Variants in CYP3A43 observed in about 807,000 individuals in gnomAD.
CYP3A43 encodes cytochrome P450 family 3 subfamily A member 43.
Under a neutral mutation model 58.0 loss-of-function variants are expected in CYP3A43, and 45 were observed. The observed-to-expected ratio is 0.78, with a 90% CI of 0.61 to 0.99. The LOEUF (loss-of-function observed/expected upper bound fraction) is 0.99, where lower values mean the gene tolerates loss of function less well. Ranked by LOEUF, CYP3A43 falls within the 50% of genes least tolerant of loss-of-function variation. The pLI is 0.00. For missense variants in CYP3A43, 593 were observed against 591.9 expected (o/e 1.00, Z -0.02); for synonymous variants, 191 against 201.4 (o/e 0.95, Z 0.44).
intron 12 of CYP3A43, among the ~76,000 whole-genome samples, chr7:99,864,505 ATTC>A (rs1345791149): frequency 6.7e-6 from 1 of 148,704 alleles, no homozygotes; most frequent in Non-Finnish European, 1.5e-5. Context: ...AGGGCCAGTT[ATTC>A]TTCTGCTTTG....
At chr7:99,842,828 T>C (rs552128109) in intron 3 of CYP3A43, among the ~76,000 whole-genome samples, 1 of 152,348 alleles carries the variant, frequency 6.6e-6, no homozygotes, top group Admixed American at 6.5e-5. Context: ...CCTCGTAAGT[T>C]TCTCACAAGG....
chr7:99,853,619 C>T (rs1454273083), intron 7 of CYP3A43, among the ~76,000 whole-genome samples: 1 of 152,072 alleles, frequency 6.6e-6, no homozygotes, highest in Non-Finnish European at 1.5e-5. Context: ...TGCAATGGCA[C>T]GATGTTGGCT....
intron 1 of CYP3A43, among the ~76,000 whole-genome samples, chr7:99,835,745 G>A (rs1584199369): frequency 6.6e-6 from 1 of 152,136 alleles, no homozygotes; most frequent in East Asian, 1.9e-4. Flanking sequence ...TACACAGTGT[G>A]GGCATCCTTC....
intron 3 of CYP3A43, among the ~76,000 whole-genome samples, chr7:99,842,249 G>A (rs1371061240): frequency 1.3e-5 from 2 of 151,914 alleles, no homozygotes; most frequent in Non-Finnish European, 2.9e-5. Context: ...CTCCATCTTT[G>A]CCAATCTATG....
At chr7:99,847,963 A>T in intron 5 of CYP3A43, 1 of 596,742 alleles carries the variant, frequency 1.7e-6, no homozygotes, top group East Asian at 2.9e-5. Flanking sequence ...ATGAGCCAAG[A>T]TTGCGCCGTT....
At chr7:99,831,192 T>C (rs1223652814) in intron 1 of CYP3A43, among the ~76,000 whole-genome samples, 5 of 152,238 alleles carry the variant, frequency 3.3e-5, no homozygotes, top group African/African-American at 4.8e-5. Context: ...TGTGGGGTCC[T>C]TCAAACACAT....
intron 11 of CYP3A43, among the ~76,000 whole-genome samples, chr7:99,862,041 G>A (rs1398977602): frequency 6.7e-6 from 1 of 150,132 alleles, no homozygotes; most frequent in African/African-American, 2.5e-5. Flanking sequence ...TGTAATGCCT[G>A]TCTTGTAGGC....
intron 10 of CYP3A43, among the ~76,000 whole-genome samples, chr7:99,861,022 C>T (rs1352738037): frequency 1.3e-5 from 2 of 151,950 alleles, no homozygotes; most frequent in Admixed American, 6.6e-5. Context: ...TACAGGCGTG[C>T]GCTACTATGC....
intron 1 of CYP3A43, among the ~76,000 whole-genome samples, chr7:99,835,303 G>C (rs1817025688): frequency 6.6e-6 from 1 of 152,210 alleles, no homozygotes; most frequent in Non-Finnish European, 1.5e-5. Context: ...TTGTGTCAGT[G>C]TAGACCACTT....
intron 2 of CYP3A43, among the ~76,000 whole-genome samples, chr7:99,836,881 G>T (rs1563060144): frequency 6.6e-6 from 1 of 152,156 alleles, no homozygotes; most frequent in Non-Finnish European, 1.5e-5. Context: ...TTAGTATTAA[G>T]AGAAAAGCAG....
chr7:99,836,344 C>T, intron 1 of CYP3A43, 109 bp from the exon 2 acceptor site: 1 of 781,212 alleles, frequency 1.3e-6, no homozygotes. Context: ...TTATTGCCTC[C>T]ATGTTACCTC....
chr7:99,849,452 T>C, intron 6 of CYP3A43, 94 bp from the exon 7 acceptor site: 1 of 1,422,666 alleles, frequency 7.0e-7, no homozygotes, highest in South Asian at 1.6e-5. Context: ...GGTTTTCACC[T>C]GTCTTGCTCT....
intron 1 of CYP3A43, among the ~76,000 whole-genome samples, chr7:99,835,478 T>C (rs1003466358): frequency 1.3e-5 from 2 of 152,256 alleles, no homozygotes; most frequent in African/African-American, 2.4e-5. Context: ...AGGCCTGTTA[T>C]AGAGGGGAAG....
chr7:99,847,517 T>C lies in CYP3A43; in HGVS notation c.348T>C (p.Ser116=). The stretch of plus-strand genomic sequence containing the variant: ...TAGGTCCAATGGGATTTCTGAAAAG[T>C]GCCTTAAGTTTTGCTGAAGATGAAG... ...MPLGPMGFLK[S]ALSFAEDEEW... The change falls in exon 5 of 13, where the codon AGT becomes AGC. Residue 116 remains serine, a synonymous_variant. Coordinates refer to ENST00000354829, the MANE Select transcript of CYP3A43 (RefSeq NM_057095.3). 6.2e-7 allele frequency: 1 copy of C among 1,614,026 alleles called. No homozygotes were observed. Among genetic ancestry groups the C allele is most frequent in the Non-Finnish European group, 8.5e-7 (1 of 1,179,966 alleles).
intron 1 of CYP3A43, among the ~76,000 whole-genome samples, chr7:99,833,156 C>CA (rs1816916005): frequency 6.6e-6 from 1 of 151,992 alleles, no homozygotes; most frequent in African/African-American, 2.4e-5. Flanking sequence ...GAGGAGGCAG[C>CA]AAAAAAGATG....
chr7:99,858,408 C>T (rs538233338), intron 9 of CYP3A43, among the ~76,000 whole-genome samples: 1 of 152,058 alleles, frequency 6.6e-6, no homozygotes, highest in Non-Finnish European at 1.5e-5. Context: ...AGTTCTTAAT[C>T]CAGTCCTGAT....
chr7:99,858,989 G>A (rs181669916), intron 9 of CYP3A43, among the ~76,000 whole-genome samples: 3 of 152,172 alleles, frequency 2.0e-5, no homozygotes, highest in Non-Finnish European at 4.4e-5. Context: ...GCACCACTGT[G>A]CCCAGCCTGT....
chr7:99,834,591 GC>G (rs1322503580), intron 1 of CYP3A43, among the ~76,000 whole-genome samples: 2 of 152,216 alleles, frequency 1.3e-5, no homozygotes, highest in Admixed American at 6.5e-5. Context: ...AGCATTTGGA[GC>G]CTCTAGCCGA....
intron 4 of CYP3A43, among the ~76,000 whole-genome samples, chr7:99,847,169 T>A (rs1235630813): frequency 1.3e-5 from 2 of 151,990 alleles, no homozygotes; most frequent in Admixed American, 6.6e-5. Flanking sequence ...CCTGGAGGAG[T>A]TGCTAGGTCT....
Sources: gnomAD v4.1 joint callset for allele counts (sites outside exome capture counted in the v4.1 genomes callset) on GRCh38, gnomAD v4.1.1 for gene constraint, MANE v1.5 for transcripts, NCBI Gene and HGNC (gene_info 2026-07-23, HGNC 2026-07-21) for gene names.